ZFPM1: variants seen among roughly 807,000 people sequenced by gnomAD.
ZFPM1 encodes zinc finger protein, FOG family member 1.
In ZFPM1, 28 loss-of-function variants were observed where a neutral mutation model predicts 46.3. The observed-to-expected ratio is 0.60, with a 90% confidence interval of 0.45 to 0.83. ZFPM1 has a LOEUF of 0.83. Among genes scored for constraint, ZFPM1 ranks in the 40% least tolerant of loss-of-function variants. The probability of loss-of-function intolerance (pLI) is 0.00; values close to 1 mark genes in which losing one functional copy is unlikely to be tolerated. For synonymous variants in ZFPM1, 957 were observed against 675.9 expected, an observed-to-expected ratio of 1.42 and a Z score of -6.45; for missense variants, 1,878 against 1,432.4, an observed-to-expected ratio of 1.31 and a Z score of -5.02.
intron 3 of ZFPM1, among the ~76,000 whole-genome samples, chr16:88,503,969 G>C (rs150493519): frequency 1.3e-5 from 2 of 152,066 alleles, no homozygotes; most frequent in Non-Finnish European, 2.9e-5. Context: ...TGACACTCTC[G>C]GTGGGTACCA....
intron 1 of ZFPM1, among the ~76,000 whole-genome samples, chr16:88,483,198 G>A (rs1909036362): frequency 6.6e-6 from 1 of 152,034 alleles, no homozygotes; most frequent in African/African-American, 2.4e-5. Context: ...CCCAGCTAGA[G>A]CCCCAAAGGC....
chr16:88,528,183 G>A lies in ZFPM1; in HGVS notation c.657G>A (p.Gln219=), dbSNP rs760708382. The change falls in exon 6 of 10, where the codon CAG becomes CAA. Residue 219 remains glutamine, a synonymous_variant. Transcript: ENST00000319555. ...PTCPAPAHDL[Q]LLPQQAGMAS... Reference sequence around the variant, plus strand: ...GCCCGGCCCCTGCACACGACCTCCAGCTCCTGCCCCAGCAGGCCGGGATGG... The same window carrying A: ...GCCCGGCCCCTGCACACGACCTCCAACTCCTGCCCCAGCAGGCCGGGATGG... The A allele has an allele frequency of 1.9e-6, 3 of 1,610,392 alleles. No individual in the cohort carries two copies. The highest frequency in any genetic ancestry group is 1.7e-6 in the Non-Finnish European group (2 of 1,179,430).
intron 1 of ZFPM1, among the ~76,000 whole-genome samples, chr16:88,472,804 C>G (rs562023079): frequency 1.8e-4 from 27 of 152,392 alleles, no homozygotes; most frequent in African/African-American, 6.2e-4. Context: ...ACAGGCTCTC[C>G]CTGATGGTGG....
intron 3 of ZFPM1, among the ~76,000 whole-genome samples, chr16:88,504,334 G>A (rs1474337964): frequency 6.6e-6 from 1 of 152,114 alleles, no homozygotes; most frequent in Non-Finnish European, 1.5e-5. Context: ...GCTGGGGAGA[G>A]CCAGGGACCC....
chr16:88,453,563 C>T lies in ZFPM1; in HGVS notation c.-76C>T, dbSNP rs912300245. On this transcript the variant is annotated 5_prime_UTR_variant, in exon 1 of 10. Transcript: ENST00000319555. ...GGGGGCATGAGCGGCCCCGCGGCCC[C>T]GCCGCGCCCCCGCCGCCCGCCGCCG... 2.0e-5 allele frequency: 17 copies of T among 836,052 alleles called. No homozygotes were observed. The Admixed American group carries it at 1.0e-3, about 51-fold the overall frequency. The allele number at this position is 836,052 out of a possible 1,614,324, so 51.8% of individuals were successfully genotyped here.
In ZFPM1 at chr16:88,471,964, G is replaced by A. The variant is rs914289516; in HGVS notation, c.41-13975G>A. Among the ~76,000 whole-genome samples the A allele has an allele frequency of 6.6e-6, 1 of 152,256 alleles. No homozygotes were observed. Among genetic ancestry groups the A allele is most frequent in the African/African-American group, 2.4e-5 (1 of 41,476 alleles). On this transcript the variant is annotated intron_variant, in intron 1 of 9. Transcript: ENST00000319555. This position sits in a 1 kb window ranked among gnomAD's most constrained non-coding sequence, Gnocchi z 4.1. The stretch of plus-strand genomic sequence containing the variant: ...GCAGGGGCCGTGTGGTCTGCAGGGA[G>A]TGGAGCCAGAAGCCTGGGCCTCCCC...
At chr16:88,451,989 G>T (rs1907300471), upstream of ZFPM1, among the ~76,000 whole-genome samples, 1 of 152,192 alleles carries the variant, frequency 6.6e-6, no homozygotes, top group African/African-American at 2.4e-5. Flanking sequence ...GGTCACAGAA[G>T]TTGGCACGAG....
Position 88,498,156 on chromosome 16 carries a change from C to T in ZFPM1, c.268+9003C>T, listed in dbSNP as rs567477743. Among the ~76,000 whole-genome samples the T allele has an allele frequency of 2.0e-5, 3 of 152,236 alleles. No homozygotes were observed. The East Asian group carries it at 5.8e-4, about 29-fold the overall frequency. On this transcript the variant is annotated intron_variant, in intron 3 of 9. Transcript: ENST00000319555. ...CCAGTGCTGGGTCAGGAGCCACCTC[C>T]TCTGGCTGTCCTGGGGAACACGGAC...
At chr16:88,515,446 T>C (rs1911238259) in intron 4 of ZFPM1, among the ~76,000 whole-genome samples, 1 of 152,236 alleles carries the variant, frequency 6.6e-6, no homozygotes, top group African/African-American at 2.4e-5. Context: ...CTTTGGGACC[T>C]TGGGTGAGAC....
intron 7 of ZFPM1, 51 bp downstream of exon 7, chr16:88,532,286 C>G: frequency 6.6e-7 from 1 of 1,507,228 alleles, no homozygotes. Flanking sequence ...TGCTTCCCCA[C>G]CCAGTCCCGC....
At chr16:88,502,028 C>T (rs1295059814) in intron 3 of ZFPM1, among the ~76,000 whole-genome samples, 3 of 151,430 alleles carry the variant, frequency 2.0e-5, no homozygotes, top group African/African-American at 7.3e-5. Flanking sequence ...CTCCTAGTAG[C>T]TCCTCCACCC....
At chr16:88,454,403 C>T (rs1463537354) in intron 1 of ZFPM1, among the ~76,000 whole-genome samples, 3 of 152,232 alleles carry the variant, frequency 2.0e-5, no homozygotes, top group Non-Finnish European at 4.4e-5. Flanking sequence ...GCAAGTGTCC[C>T]AGCCAAGGCG....
chr16:88,502,912 C>T (rs1237419527), intron 3 of ZFPM1, among the ~76,000 whole-genome samples: 6 of 152,272 alleles, frequency 3.9e-5, no homozygotes, highest in Admixed American at 6.5e-5. Context: ...ACGGCAGATC[C>T]GGGGCTGCCC....
intron 1 of ZFPM1, among the ~76,000 whole-genome samples, chr16:88,460,917 AGGGGC>A (rs142015518): frequency 0.076 from 2,754 of 36,024 alleles, 372 homozygotes; most frequent in Middle Eastern, 0.2. Flanking sequence ...GTGAGGACCG[AGGGGC>A]GGGGCGGGAG....
At chr16:88,507,652 G>GA (rs1243285552) in intron 3 of ZFPM1, among the ~76,000 whole-genome samples, 6 of 152,334 alleles carry the variant, frequency 3.9e-5, no homozygotes, top group Admixed American at 6.5e-5. Context: ...CCCCATGGGA[G>GA]ATGCCATCCA....
At chr16:88,467,911 C>A (rs922307695) in intron 1 of ZFPM1, among the ~76,000 whole-genome samples, 4 of 152,164 alleles carry the variant, frequency 2.6e-5, no homozygotes, top group Non-Finnish European at 5.9e-5. Flanking sequence ...TATCTGCTTG[C>A]TCGAGCTGAG....
chr16:88,535,137 A>C lies in ZFPM1; in HGVS notation c.*158A>C. On this transcript the variant is annotated 3_prime_UTR_variant, in exon 10 of 10. Transcript: ENST00000319555. ...GGCAGCGCCCGCCTGGACCCTTGGCACTTAATAAAGAAGTTCAGTTTGATG... is the reference window on the plus strand; with the variant it reads ...GGCAGCGCCCGCCTGGACCCTTGGCCCTTAATAAAGAAGTTCAGTTTGATG... The C allele has an allele frequency of 1.1e-6, 1 of 915,200 alleles. No individual in the cohort carries two copies. Among genetic ancestry groups the C allele is most frequent in the Non-Finnish European group, 1.5e-6 (1 of 689,548 alleles). The allele number at this position is 915,200 out of a possible 1,614,324, so 56.7% of individuals were successfully genotyped here. A position where few individuals can be genotyped will look rare whatever the true frequency, so the allele number is the denominator to read the frequency against.
intron 3 of ZFPM1, among the ~76,000 whole-genome samples, chr16:88,498,069 G>A (rs551077445): frequency 6.6e-6 from 1 of 152,312 alleles, no homozygotes; most frequent in East Asian, 1.9e-4. Flanking sequence ...TAGATTAACG[G>A]CGGAGGAGGG....
intron 3 of ZFPM1, among the ~76,000 whole-genome samples, chr16:88,509,855 T>C (rs56321201): frequency 0.075 from 11,355 of 152,242 alleles, 466 homozygotes; most frequent in South Asian, 0.11. Flanking sequence ...GACGCTCCTC[T>C]ACCGGCTTGC....
Sources: allele counts gnomAD v4.1 joint callset (sites outside exome capture counted in the v4.1 genomes callset), GRCh38; gene constraint gnomAD v4.1.1; non-coding constraint Gnocchi (gnomAD v3.1); transcripts MANE v1.5; gene names NCBI Gene and HGNC (gene_info 2026-07-23, HGNC 2026-07-21).